DNAJB6: variants seen among roughly 807,000 people sequenced by gnomAD.
DNAJB6 encodes the protein DnaJ heat shock protein family (Hsp40) member B6.
DNAJB6 carries 16 observed loss-of-function variants against 42.7 expected under a neutral mutation model. The observed-to-expected ratio is 0.37, with a 90% CI of 0.25 to 0.57. DNAJB6 has a LOEUF of 0.57. DNAJB6 is among the 20% of genes least tolerant of loss of function. The pLI is 0.74. For missense variants in DNAJB6, 347 were observed against 416.8 expected, an observed-to-expected ratio of 0.83 and a Z score of 1.46; for synonymous variants, 170 against 163.5, an observed-to-expected ratio of 1.04 and a Z score of -0.30.
At chr7:157,388,646 G>T (rs919789956) in intron 8 of DNAJB6, among the ~76,000 whole-genome samples, 2 of 150,002 alleles carry the variant, frequency 1.3e-5, no homozygotes, top group Admixed American at 1.3e-4. Flanking sequence ...TTTGGGGGGG[G>T]GGTAAGTGGT....
At chr7:157,339,334 C>A (rs1341847468) in intron 1 of DNAJB6, among the ~76,000 whole-genome samples, 1 of 134,558 alleles carries the variant, frequency 7.4e-6, no homozygotes, top group Non-Finnish European at 1.5e-5. Flanking sequence ...TGCTCTGTCG[C>A]CCAGGCCGTA....
At chr7:157,411,288 T>TCCCTGCACTGAGCGGGGTGGGGGAGGCTC (rs1795965934) in intron 9 of DNAJB6, 1 of 2,202 alleles carries the variant, frequency 4.5e-4, no homozygotes, top group Non-Finnish European at 7.6e-4. Flanking sequence ...TGGGGAAGGT[T>TCCCTGCACTGAGCGGGGTGGGGGAGGCTC]CCCAGGATCC....
At chr7:157,389,418 C>T (rs1319155851) in intron 8 of DNAJB6, among the ~76,000 whole-genome samples, 2 of 152,260 alleles carry the variant, frequency 1.3e-5, no homozygotes, top group South Asian at 2.1e-4. Flanking sequence ...GTTGTTATTT[C>T]GGAGGTTTTC....
intron 5 of DNAJB6, among the ~76,000 whole-genome samples, chr7:157,375,226 G>A (rs1382913649): frequency 1.3e-5 from 2 of 152,104 alleles, no homozygotes; most frequent in Non-Finnish European, 1.5e-5. Flanking sequence ...AAGATGAATC[G>A]GCCATCTGCG....
In DNAJB6 at chr7:157,409,839, G is replaced by A; in HGVS notation, c.736G>A (p.Gly246Ser). 6.5e-7 allele frequency: 1 copy of A among 1,533,746 alleles called. No homozygotes were observed. The highest frequency in any genetic ancestry group is 8.7e-7 in the Non-Finnish European group (1 of 1,145,708). ...CCTCGCTGAGGAGCGCATGCGGAGA[G>A]GCCAGAACGCCCTGCCAGCCCAGCC... ...DALAEERMRR[G>S]QNALPAQPAG... Residue 246 changes from glycine to serine, a missense_variant, in exon 9 of 10, where the codon GGC becomes AGC. Physicochemically the swap from Gly to Ser is moderately conservative, Grantham distance 56 (BLOSUM62 0). This residue lies in a region of DNAJB6 where 264 missense variants were observed against 288.0 expected (regional missense o/e 0.92). Transcript: ENST00000262177.
At chr7:157,346,629 A>G (rs1181276043) in intron 1 of DNAJB6, among the ~76,000 whole-genome samples, 3 of 152,318 alleles carry the variant, frequency 2.0e-5, no homozygotes, top group Non-Finnish European at 4.4e-5. Flanking sequence ...ATAGAAATGT[A>G]TAGGTAGCCT....
At chr7:157,402,157 C>G (rs1210547914) in intron 8 of DNAJB6, among the ~76,000 whole-genome samples, 3 of 152,200 alleles carry the variant, frequency 2.0e-5, no homozygotes. Context: ...GATGGGGTCT[C>G]CCTATGTTGC....
intron 5 of DNAJB6, among the ~76,000 whole-genome samples, chr7:157,373,833 C>T (rs1477116868): frequency 6.6e-6 from 1 of 152,064 alleles, no homozygotes; most frequent in African/African-American, 2.4e-5. Context: ...ACAGGCACAC[C>T]TACACACAGG....
intron 6 of DNAJB6, among the ~76,000 whole-genome samples, chr7:157,384,245 A>G (rs938548326): frequency 6.6e-6 from 1 of 152,230 alleles, no homozygotes; most frequent in Non-Finnish European, 1.5e-5. Flanking sequence ...CTGTAGAACC[A>G]TAGTTTTTTG....
At chr7:157,357,188 T>G (rs558561252) in intron 1 of DNAJB6, among the ~76,000 whole-genome samples, 37 of 148,114 alleles carry the variant, frequency 2.5e-4, no homozygotes, top group South Asian at 8.8e-4. Flanking sequence ...CACAGATGTG[T>G]CTTTGTGGCT....
intron 1 of DNAJB6, among the ~76,000 whole-genome samples, chr7:157,349,720 C>A (rs368737836): frequency 5.9e-5 from 9 of 152,338 alleles, no homozygotes; most frequent in African/African-American, 2.2e-4. Context: ...TCTCAGCTCA[C>A]TGCAACCTCC....
intron 1 of DNAJB6, among the ~76,000 whole-genome samples, chr7:157,351,285 A>T (rs1798957893): frequency 6.6e-6 from 1 of 152,096 alleles, no homozygotes; most frequent in African/African-American, 2.4e-5. Flanking sequence ...AGTTGGAAGA[A>T]CTAAGCCTGA....
rs142561826 is a variant in DNAJB6 at position 157,347,171 on chromosome 7, T to C, written c.-27+10027T>C. ...CGCCCGGCCAGCTATTTTCATTTTG[T>C]TGTTTCTGTAATGCGTATTTGTATT... On this transcript the variant is annotated intron_variant, in intron 1 of 9. Transcript: ENST00000262177. Among the ~76,000 whole-genome samples the C allele has an allele frequency of 3.3e-5, 5 of 152,352 alleles. No individual in the cohort carries two copies. In the East Asian group the frequency reaches 9.6e-4, roughly 29 times the overall value.
At chr7:157,390,234 C>T (rs188145051) in intron 8 of DNAJB6, among the ~76,000 whole-genome samples, 4 of 152,342 alleles carry the variant, frequency 2.6e-5, no homozygotes, top group East Asian at 1.9e-4. Context: ...GTGCGACCTG[C>T]GGCCCAGCCT....
intron 3 of DNAJB6, among the ~76,000 whole-genome samples, chr7:157,365,825 T>C (rs1417167360): frequency 1.3e-5 from 2 of 152,062 alleles, no homozygotes; most frequent in African/African-American, 4.8e-5. Context: ...CCACCATGCC[T>C]GGCTAATTTT....
intron 1 of DNAJB6, among the ~76,000 whole-genome samples, chr7:157,339,000 A>T (rs995564915): frequency 6.6e-6 from 1 of 152,174 alleles, no homozygotes; most frequent in Non-Finnish European, 1.5e-5. Context: ...TTTCTTCTGG[A>T]TATGAAAGTG....
chr7:157,369,661 G>A (rs868664388), intron 5 of DNAJB6, among the ~76,000 whole-genome samples: 32 of 145,550 alleles, frequency 2.2e-4, no homozygotes, highest in Non-Finnish European at 2.8e-4. Flanking sequence ...TTATTAAACA[G>A]GCCCCTTCTT....
At chr7:157,344,403 C>T (rs1195845702) in intron 1 of DNAJB6, among the ~76,000 whole-genome samples, 1 of 150,854 alleles carries the variant, frequency 6.6e-6, no homozygotes, top group Non-Finnish European at 1.5e-5. Context: ...GTCCCAGGTA[C>T]TCGGGAGGCT....
At chr7:157,383,471 C>T (rs1215028721) in intron 6 of DNAJB6, among the ~76,000 whole-genome samples, 1 of 152,132 alleles carries the variant, frequency 6.6e-6, no homozygotes, top group Non-Finnish European at 1.5e-5. Context: ...TCGATTGGAC[C>T]TCAGTTTTGA....
Sources: gnomAD v4.1 joint callset for allele counts (sites outside exome capture counted in the v4.1 genomes callset) on GRCh38, gnomAD v4.1.1 for gene constraint, gnomAD v4.1.1 regional missense constraint, MANE v1.5 for transcripts, NCBI Gene and HGNC (gene_info 2026-07-23, HGNC 2026-07-21) for gene names.